Variants in MME observed in about 807,000 individuals in gnomAD.
The protein encoded by MME is membrane metalloendopeptidase, also known as neprilysin.
MME carries 98 observed loss-of-function variants against 113.2 expected under a neutral mutation model. The observed-to-expected ratio is 0.87, with a 90% CI of 0.74 to 1.02. The LOEUF (loss-of-function observed/expected upper bound fraction) is 1.02, where lower values mean the gene tolerates loss of function less well. Among genes scored for constraint, MME ranks in the 50% least tolerant of loss-of-function variants. The pLI, the probability that MME is intolerant of heterozygous loss-of-function variation, is 0.00. For synonymous variants in MME, 292 were observed against 300.6 expected, an observed-to-expected ratio of 0.97 and a Z score of 0.30; for missense variants, 836 against 896.0, an observed-to-expected ratio of 0.93 and a Z score of 0.86.
Position 155,083,994 on chromosome 3 carries a change from A to G in MME, c.-10-164A>G, listed in dbSNP as rs1427346978. 8 of 638,494 alleles carry G rather than the reference A, an allele frequency of 1.3e-5. No individual in the cohort carries two copies. The East Asian group carries it at 1.4e-4, about 11-fold the overall frequency. 39.6% of individuals were successfully genotyped at this position (638,494 alleles called of 1,614,324 possible). The stretch of plus-strand genomic sequence containing the variant: ...AGACCTGTCAAATTCATTTGGCTCT[A>G]TATACTTTGCATTCAGCAACAAAAT... On this transcript the variant is annotated intron_variant, in intron 1 of 22. Transcript: ENST00000360490.
upstream of MME, among the ~76,000 whole-genome samples, chr3:155,079,384 G>A (rs953361035): frequency 6.6e-6 from 1 of 152,048 alleles, no homozygotes; most frequent in Non-Finnish European, 1.5e-5. Flanking sequence ...ATCCCGAAGA[G>A]CCCGTGTATT....
At chr3:155,144,573 C>T in intron 14 of MME, 116 bp downstream of exon 14, 1 of 688,834 alleles carries the variant, frequency 1.5e-6, no homozygotes, top group Non-Finnish European at 2.6e-6. Flanking sequence ...TTGTAAGCTC[C>T]TTCAATATGT....
Position 155,143,439 on chromosome 3 carries a change from G to A in MME, c.1189-4G>A, listed in dbSNP as rs182602615. ...AAATGCCATTTCCTTTTTCTTTTCC[G>A]TAGGCCCTTTATGGTACAACCTCAG... On this transcript the variant is annotated splice_region_variant and splice_polypyrimidine_tract_variant and intron_variant, in intron 12 of 22. Transcript: ENST00000360490. 2.5e-4 allele frequency: 397 copies of A among 1,611,128 alleles called. No individual in the cohort carries two copies. Among genetic ancestry groups the A allele is most frequent in the East Asian group, 1.9e-3 (85 of 44,794 alleles).
rs1403362899 is a variant in MME at position 155,130,262 on chromosome 3, T to C, written c.721-7840T>C. 2.6e-5 allele frequency among the ~76,000 whole-genome samples: 4 copies of C among 152,212 alleles called. 1 individual carries two copies. The highest frequency in any genetic ancestry group is 4.1e-4 in the South Asian group (2 of 4,834). On this transcript the variant is annotated intron_variant, in intron 8 of 22. Transcript: ENST00000360490. ...GGGCTCTGTGCAGAAACACCTCACA[T>C]GTACACACACTTCAAAAGCCACTAT... is the stretch of plus-strand genomic sequence containing the variant.
upstream of MME, among the ~76,000 whole-genome samples, chr3:155,075,874 C>T (rs1027750644): frequency 1.3e-5 from 2 of 152,190 alleles, no homozygotes; most frequent in South Asian, 2.1e-4. Context: ...AGCTTACACA[C>T]CCCGTTGTCT....
In MME at chr3:155,144,430, C is replaced by A. The variant is rs140315924; in HGVS notation, c.1389C>A (p.Ala463=). 6.2e-7 allele frequency: 1 copy of A among 1,611,428 alleles called. No individual in the cohort carries two copies. Among genetic ancestry groups the A allele is most frequent in the Non-Finnish European group, 8.5e-7 (1 of 1,178,718 alleles). Residue 463 remains alanine, a synonymous_variant, in exon 14 of 23, where the codon GCC becomes GCA. Transcript: ENST00000360490. The stretch of plus-strand genomic sequence containing the variant: ...TAGATGACCTCACTTGGATGGATGC[C>A]GAGACAAAAAAGAGAGCTGAAGAAA... ...QTLDDLTWMD[A]ETKKRAEEKA...
chr3:155,151,958 C>T (rs78788814), intron 16 of MME, among the ~76,000 whole-genome samples: 133 of 149,172 alleles, frequency 8.9e-4, no homozygotes, highest in African/African-American at 3.2e-3. Context: ...ATCCTCCACA[C>T]TACTACCTTA....
At chr3:155,106,513 A>T (rs1438310112) in intron 3 of MME, among the ~76,000 whole-genome samples, 1 of 152,202 alleles carries the variant, frequency 6.6e-6, no homozygotes, top group East Asian at 1.9e-4. Context: ...GCTAGTTTTC[A>T]GTCATTTTCT....
chr3:155,046,102 C>T (rs2108124588), intron 1 of MME, among the ~76,000 whole-genome samples: 1 of 152,264 alleles, frequency 6.6e-6, no homozygotes, highest in Non-Finnish European at 1.5e-5. Context: ...CTCTCTAAGA[C>T]TCCTATCCAT....
At chr3:155,114,857 A>T in intron 3 of MME, 137 bp from the exon 4 acceptor site, 1 of 803,976 alleles carries the variant, frequency 1.2e-6, no homozygotes. Flanking sequence ...ATCCCCCTGA[A>T]TTGACTTATA....
intron 3 of MME, among the ~76,000 whole-genome samples, chr3:155,108,012 A>T (rs1239869237): frequency 6.6e-6 from 1 of 152,180 alleles, no homozygotes; most frequent in African/African-American, 2.4e-5. Flanking sequence ...GGTGTGAGTT[A>T]AATGTTAGTG....
At chr3:155,031,128 T>C (rs1404440186) in intron 1 of MME, among the ~76,000 whole-genome samples, 5 of 152,204 alleles carry the variant, frequency 3.3e-5, no homozygotes, top group Non-Finnish European at 5.9e-5. Flanking sequence ...GTTGCTTAGC[T>C]AATCCCTTGA....
intron 10 of MME, among the ~76,000 whole-genome samples, chr3:155,141,745 G>A (rs1242744301): frequency 6.6e-6 from 1 of 151,976 alleles, no homozygotes; most frequent in African/African-American, 2.4e-5. Flanking sequence ...ATGACATTAA[G>A]CCTAATTTCT....
At chr3:155,175,144 A>G (rs1337203283) in intron 22 of MME, among the ~76,000 whole-genome samples, 32 of 151,864 alleles carry the variant, frequency 2.1e-4, no homozygotes, top group Admixed American at 2.1e-3. Context: ...TAAAATTTTG[A>G]TGACACAGAC....
intron 1 of MME, among the ~76,000 whole-genome samples, chr3:155,073,351 TA>T (rs1333345101): frequency 2.0e-5 from 3 of 152,178 alleles, no homozygotes; most frequent in African/African-American, 7.2e-5. Context: ...AATTAATAAG[TA>T]AATGCCAGCT....
intron 1 of MME, among the ~76,000 whole-genome samples, chr3:155,046,493 G>T (rs1713564063): frequency 6.6e-6 from 1 of 152,124 alleles, no homozygotes; most frequent in South Asian, 2.1e-4. Context: ...TTCAAGACCA[G>T]CCTGGCCAAC....
intron 3 of MME, chr3:155,090,210 C>T (rs1313102125): frequency 6.6e-6 from 1 of 152,510 alleles, no homozygotes; most frequent in East Asian, 1.9e-4. Flanking sequence ...GAACTGTCCA[C>T]TCCTTTTATT....
chr3:155,164,268 G>A (rs1431292543), intron 17 of MME, among the ~76,000 whole-genome samples: 1 of 151,770 alleles, frequency 6.6e-6, no homozygotes, highest in African/African-American at 2.4e-5. Flanking sequence ...ATAAACCACA[G>A]AAGTTGTGCT....
upstream of MME, among the ~76,000 whole-genome samples, chr3:155,077,409 C>T (rs113353624): frequency 3.5e-4 from 54 of 152,230 alleles, 1 homozygote; most frequent in African/African-American, 1.2e-3. Context: ...CTTGGACCAC[C>T]TCAGTAAGCC....
Sources: gnomAD v4.1 joint callset for allele counts (sites outside exome capture counted in the v4.1 genomes callset) on GRCh38, gnomAD v4.1.1 for gene constraint, MANE v1.5 for transcripts, NCBI Gene and HGNC (gene_info 2026-07-23, HGNC 2026-07-21) for gene names.